Variants in PDE1C observed in about 807,000 individuals in gnomAD.
The protein encoded by PDE1C is dual specificity calcium/calmodulin-dependent 3',5'-cyclic nucleotide phosphodiesterase 1C.
Under a neutral mutation model 93.1 loss-of-function variants are expected in PDE1C, and 62 were observed. The ratio of observed to expected loss-of-function variants is 0.67; its 90% CI spans 0.54 to 0.82. The LOEUF (loss-of-function observed/expected upper bound fraction) is 0.82, where lower values mean the gene tolerates loss of function less well. PDE1C is among the 40% of genes least tolerant of loss of function. The pLI is 0.00. For missense variants in PDE1C, 742 were observed against 884.6 expected, an observed-to-expected ratio of 0.84 and a Z score of 2.04; for synonymous variants, 325 against 310.1, an observed-to-expected ratio of 1.05 and a Z score of -0.50.
chr7:31,868,439 G>T (rs11761300), intron 6 of PDE1C, among the ~76,000 whole-genome samples: 1,687 of 152,036 alleles, frequency 0.011, 33 homozygotes, highest in African/African-American at 0.038. Context: ...CAGTAGACTA[G>T]ACCAAGCAAG....
At chr7:31,799,215 C>G (rs1785684179) in intron 16 of PDE1C, among the ~76,000 whole-genome samples, 1 of 151,638 alleles carries the variant, frequency 6.6e-6, no homozygotes, top group Admixed American at 6.6e-5. Context: ...ATACATGTGT[C>G]AGTTCTACCC....
chr7:32,272,096 G>A lies in PDE1C; in HGVS notation c.85+26555C>T, dbSNP rs1040619204. ...TTAACTTGGGTCGGTAGATTGGACA[G>A]TGTAGCACCTGTAGACCTTGAATCT... On this transcript the variant is annotated intron_variant, in intron 1 of 18. Coordinates refer to the PDE1C transcript ENST00000396193. Among the ~76,000 whole-genome samples the A allele has an allele frequency of 4.6e-5, 7 of 152,252 alleles. No homozygotes were observed. The East Asian group carries it at 1.3e-3, about 29-fold the overall frequency.
intron 3 of PDE1C, among the ~76,000 whole-genome samples, chr7:32,168,678 G>C (rs1389440041): frequency 6.6e-6 from 1 of 152,028 alleles, no homozygotes; most frequent in Non-Finnish European, 1.5e-5. Context: ...GCCCTTAGTA[G>C]GAATAAAAAC....
intron 11 of PDE1C, among the ~76,000 whole-genome samples, chr7:31,836,830 A>G (rs1791176032): frequency 6.6e-6 from 1 of 152,114 alleles, no homozygotes; most frequent in Non-Finnish European, 1.5e-5. Context: ...CAAGATTAAC[A>G]TCTTAATCCC....
chr7:32,070,155 G>A, intron 1 of PDE1C, 138 bp downstream of exon 1: 1 of 1,426,048 alleles, frequency 7.0e-7, no homozygotes, highest in African/African-American at 1.4e-5. Context: ...GTAATTAACA[G>A]AGCAGCAGTT....
intron 3 of PDE1C, among the ~76,000 whole-genome samples, chr7:32,129,911 G>C (rs1380736273): frequency 6.6e-6 from 1 of 151,858 alleles, no homozygotes; most frequent in East Asian, 1.9e-4. Flanking sequence ...TAGTCCTAAC[G>C]TTCTTTTACA....
intron 1 of PDE1C, among the ~76,000 whole-genome samples, chr7:32,366,249 A>T (rs1299987926): frequency 6.6e-6 from 1 of 152,202 alleles, no homozygotes; most frequent in East Asian, 1.9e-4. Flanking sequence ...AAAAAGAACC[A>T]AACAGAAATC....
intron 2 of PDE1C, among the ~76,000 whole-genome samples, chr7:32,204,766 A>T (rs62456321): frequency 6.6e-6 from 1 of 151,834 alleles, no homozygotes; most frequent in African/African-American, 2.4e-5. Flanking sequence ...CACTTTCTCC[A>T]GGAGGACTCC....
intron 17 of PDE1C, among the ~76,000 whole-genome samples, chr7:31,769,554 G>A (rs996062958): frequency 1.3e-5 from 2 of 152,148 alleles, no homozygotes; most frequent in African/African-American, 4.8e-5. Flanking sequence ...TCTGAGAGAA[G>A]TAGTTTATGG....
chr7:31,846,752 G>C (rs1420948374), intron 9 of PDE1C, among the ~76,000 whole-genome samples: 1 of 152,130 alleles, frequency 6.6e-6, no homozygotes, highest in African/African-American at 2.4e-5. Flanking sequence ...TTTACCAATA[G>C]TAAAATTGGA....
chr7:31,646,367 G>A, the PDE1C span, among the ~76,000 whole-genome samples: 1 of 152,178 alleles, frequency 6.6e-6, no homozygotes, highest in African/African-American at 2.4e-5. Flanking sequence ...GATTGAAAGT[G>A]TGAGTGGGCC....
intron 17 of PDE1C, among the ~76,000 whole-genome samples, chr7:31,775,437 T>C (rs1364060904): frequency 6.6e-6 from 1 of 152,140 alleles, no homozygotes; most frequent in Non-Finnish European, 1.5e-5. Flanking sequence ...AAAATTCTAT[T>C]CTTTCCATAG....
intron 3 of PDE1C, among the ~76,000 whole-genome samples, chr7:32,086,605 T>C (rs898572894): frequency 7.0e-4 from 106 of 152,052 alleles, no homozygotes; most frequent in Non-Finnish European, 1.3e-3. Flanking sequence ...CTTCAAACTA[T>C]ACTACAAGGC....
chr7:31,661,621 G>T, the PDE1C span, among the ~76,000 whole-genome samples: 1 of 152,136 alleles, frequency 6.6e-6, no homozygotes, highest in Non-Finnish European at 1.5e-5. Context: ...GCTGAGGTAG[G>T]AGAATCGCTT....
At chr7:32,237,076 T>C (rs1808142891) in intron 1 of PDE1C, among the ~76,000 whole-genome samples, 1 of 145,188 alleles carries the variant, frequency 6.9e-6, no homozygotes, top group Admixed American at 7.6e-5. Flanking sequence ...TCTATTCATG[T>C]AATATTCTTT....
intron 1 of PDE1C, among the ~76,000 whole-genome samples, chr7:32,349,083 T>A (rs921861886): frequency 1.1e-4 from 16 of 152,196 alleles, no homozygotes; most frequent in African/African-American, 3.9e-4. Context: ...TAATTCAAAC[T>A]CATTCTCCAA....
At chr7:32,413,243 T>C (rs922946564) in intron 1 of PDE1C, among the ~76,000 whole-genome samples, 16 of 152,118 alleles carry the variant, frequency 1.1e-4, no homozygotes, top group African/African-American at 3.9e-4. Context: ...AAAGGATAGG[T>C]AGACAGATGG....
In PDE1C at chr7:31,753,088, T is replaced by C. The variant is rs1411572408; in HGVS notation, c.*296A>G. On this transcript the variant is annotated 3_prime_UTR_variant, in exon 18 of 18. Coordinates refer to ENST00000396191, the MANE Select transcript of PDE1C (RefSeq NM_001191057.4). The stretch of plus-strand genomic sequence containing the variant: ...AATTTTATTTTTTTTTAAGTTTGTG[T>C]CATTTTAATTTTGGTCCAATTTAGA... 4.9e-6 allele frequency: 1 copy of C among 202,822 alleles called. No individual in the cohort carries two copies. The highest frequency in any genetic ancestry group is 9.8e-6 in the Non-Finnish European group (1 of 101,914). 12.6% of individuals were successfully genotyped at this position (202,822 alleles called of 1,614,324 possible).
At chr7:31,910,869 G>T (rs1360238869) in intron 2 of PDE1C, among the ~76,000 whole-genome samples, 1 of 152,192 alleles carries the variant, frequency 6.6e-6, no homozygotes, top group Non-Finnish European at 1.5e-5. Context: ...AACACCAGAA[G>T]AGTGTTTGCA....
Sources: allele counts gnomAD v4.1 joint callset (sites outside exome capture counted in the v4.1 genomes callset), GRCh38; gene constraint gnomAD v4.1.1; transcripts MANE v1.5; gene names NCBI Gene and HGNC (gene_info 2026-07-23, HGNC 2026-07-21).